Variants in F5 observed in about 807,000 individuals in gnomAD.
F5 encodes activated protein c cofactor.
F5 carries 138 observed loss-of-function variants against 216.4 expected under a neutral mutation model. The observed-to-expected ratio is 0.64, with a 90% CI of 0.56 to 0.73. F5 has a LOEUF of 0.73. Ranked by LOEUF, F5 falls within the 30% of genes least tolerant of loss-of-function variation. The pLI is 0.00. For missense variants in F5, 2,403 were observed against 2,674.0 expected (o/e 0.90, Z 2.24); for synonymous variants, 916 against 930.7 (o/e 0.98, Z 0.29).
At chr1:169,569,835 T>C (rs975648680) in intron 3 of F5, among the ~76,000 whole-genome samples, 1 of 152,066 alleles carries the variant, frequency 6.6e-6, no homozygotes, top group Non-Finnish European at 1.5e-5. Context: ...ACCTCTGAGA[T>C]AGAGGAATCT....
chr1:169,548,262 A>T (rs1660062378), intron 10 of F5, among the ~76,000 whole-genome samples: 1 of 152,300 alleles, frequency 6.6e-6, no homozygotes, highest in East Asian at 1.9e-4. Flanking sequence ...TACCTGGGTG[A>T]TGAAGTAGTA....
chr1:169,549,864 G>A lies in F5; in HGVS notation c.1548C>T (p.Ala516=). 6.2e-7 allele frequency: 1 copy of A among 1,614,136 alleles called. No individual in the cohort carries two copies. The highest frequency in any genetic ancestry group is 8.5e-7 in the Non-Finnish European group (1 of 1,179,988). Residue 516 remains alanine, a synonymous_variant, in exon 10 of 25, where the codon GCC becomes GCT. Coordinates refer to ENST00000367797, the MANE Select transcript of F5 (RefSeq NM_000130.5). The part of the protein sequence containing the change: ...YSDVDIMRDI[A]SGLIGLLLIC... The stretch of plus-strand genomic sequence containing the variant: ...TTAGAAGTAGTCCTATTAGCCCAGA[G>A]GCGATGTCTCTCATGATGTCCACGT...
At chr1:169,577,519 G>A (rs144628673) in intron 2 of F5, among the ~76,000 whole-genome samples, 1,623 of 131,174 alleles carry the variant, frequency 0.012, 13 homozygotes, top group Middle Eastern at 0.056. Context: ...CTCCCCAGTA[G>A]CTGAAATGAC....
intron 12 of F5, among the ~76,000 whole-genome samples, chr1:169,544,067 A>G (rs1282997236): frequency 1.3e-5 from 2 of 152,116 alleles, no homozygotes; most frequent in Non-Finnish European, 2.9e-5. Flanking sequence ...GTATATTTTT[A>G]CTTCCTACTT....
At chr1:169,531,917 T>C (rs1659603538) in intron 14 of F5, among the ~76,000 whole-genome samples, 1 of 152,094 alleles carries the variant, frequency 6.6e-6, no homozygotes, top group Non-Finnish European at 1.5e-5. Flanking sequence ...TACCGGCCAA[T>C]ATCTCTGATG....
Position 169,546,526 on chromosome 1 carries a change from C to G in F5, c.1678G>C (p.Glu560Gln). 1.2e-6 allele frequency: 2 copies of G among 1,614,152 alleles called. No homozygotes were observed. The highest frequency in any genetic ancestry group is 4.5e-5 in the East Asian group (2 of 44,876). Residue 560 changes from glutamate to glutamine, a missense_variant, in exon 11 of 25, where the codon GAG becomes CAG. Physicochemically the swap from Glu to Gln is conservative, Grantham distance 29. Coordinates refer to ENST00000367797, the MANE Select transcript of F5 (RefSeq NM_000130.5). ...VFDENKSWYL[E>Q]DNINKFCENP... The stretch of plus-strand genomic sequence containing the variant: ...TCACAAAACTTGTTGATGTTGTCCT[C>G]AAGGTACCAGCTTTTGTTCTCATCA...
At chr1:169,586,064 T>C (rs1661095845) in intron 1 of F5, among the ~76,000 whole-genome samples, 165 bp downstream of exon 1, 2 of 151,932 alleles carry the variant, frequency 1.3e-5, no homozygotes, top group Non-Finnish European at 2.9e-5. Flanking sequence ...GATGCAAAAT[T>C]AGCATTTGCC....
Position 169,549,806 on chromosome 1 carries a change from T to C in F5, c.1606A>G (p.Ile536Val). Residue 536 changes from isoleucine (I) to valine (V), a missense_variant, in exon 10 of 25, where the codon ATA becomes GTA. Physicochemically the swap from Ile to Val is conservative, Grantham distance 29. Transcript: ENST00000367797. Reference protein sequence around the residue: ...CKSRSLDRRGIQRAADIEQQA... With the variant: ...CKSRSLDRRGVQRAADIEQQA... ...TTACTTCAAGGACAAAATACCTGTA[T>C]TCCTCGCCTGTCCAGGGATCTGCTC... 1 of 1,612,524 alleles carries C rather than the reference T, an allele frequency of 6.2e-7. No individual in the cohort carries two copies. Among genetic ancestry groups the C allele is most frequent in the Non-Finnish European group, 8.5e-7 (1 of 1,178,580 alleles).
At chr1:169,538,236 A>G (rs1659751787) in intron 13 of F5, among the ~76,000 whole-genome samples, 2 of 152,200 alleles carry the variant, frequency 1.3e-5, no homozygotes, top group Non-Finnish European at 1.5e-5. Context: ...CAGGCACAGA[A>G]AGACAAGTAC....
rs1301049105 is a variant in F5 at position 169,514,271 on chromosome 1, G to A, written c.*42C>T. The A allele has an allele frequency of 6.3e-7, 1 of 1,596,008 alleles. No homozygotes were observed. Among genetic ancestry groups the A allele is most frequent in the Admixed American group, 1.7e-5 (1 of 59,838 alleles). ...ACATTGCCCATTCTAAATGGTTTGA[G>A]GTCTTAAAGAGTCTCTTCCAGGGGT... On this transcript the variant is annotated 3_prime_UTR_variant, in exon 25 of 25. Coordinates refer to ENST00000367797, the MANE Select transcript of F5 (RefSeq NM_000130.5).
intron 3 of F5, among the ~76,000 whole-genome samples, chr1:169,571,619 A>C (rs1660724148): frequency 6.6e-6 from 1 of 152,148 alleles, no homozygotes; most frequent in Non-Finnish European, 1.5e-5. Flanking sequence ...GGCTAGTTCT[A>C]TGTCACTATG....
chr1:169,581,069 T>C (rs1475119690), intron 2 of F5, among the ~76,000 whole-genome samples: 5 of 152,076 alleles, frequency 3.3e-5, no homozygotes, highest in African/African-American at 9.7e-5. Flanking sequence ...GGGTAGGTAG[T>C]AGTGAAAGCC....
intron 14 of F5, among the ~76,000 whole-genome samples, chr1:169,532,762 T>C (rs538754464): frequency 3.3e-5 from 5 of 152,330 alleles, no homozygotes; most frequent in African/African-American, 4.8e-5. Flanking sequence ...TCTATGCTTA[T>C]GTATTGGAAG....
intron 22 of F5, among the ~76,000 whole-genome samples, chr1:169,519,925 G>T (rs1416679754): frequency 6.6e-6 from 1 of 152,114 alleles, no homozygotes; most frequent in Non-Finnish European, 1.5e-5. Context: ...ATATATAGTA[G>T]AATTTTATTA....
chr1:169,526,784 A>T lies in F5; in HGVS notation c.5600-767T>A, dbSNP rs531863384. On this transcript the variant is annotated intron_variant, in intron 17 of 24. Transcript: ENST00000367797. ...TGCAGGCTGATAGGAAGGATGACTGATCTTCTAATACTTGATGAAAAGATG... is the reference window on the plus strand; with the variant it reads ...TGCAGGCTGATAGGAAGGATGACTGTTCTTCTAATACTTGATGAAAAGATG... Among the ~76,000 whole-genome samples the T allele has an allele frequency of 3.3e-5, 5 of 152,206 alleles. No individual in the cohort carries two copies. The South Asian group carries it at 1.0e-3, about 32-fold the overall frequency.
At chr1:169,521,863 C>T (rs1659317228) in intron 21 of F5, among the ~76,000 whole-genome samples, 1 of 151,908 alleles carries the variant, frequency 6.6e-6, no homozygotes, top group South Asian at 2.1e-4. Flanking sequence ...TCGTGATCTG[C>T]CCACCTCGGC....
chr1:169,548,622 C>A (rs868604397), intron 10 of F5, among the ~76,000 whole-genome samples: 19 of 152,128 alleles, frequency 1.2e-4, no homozygotes, highest in Admixed American at 3.3e-4. Context: ...AATACCAGCA[C>A]TTTGGGAGGC....
In F5 at chr1:169,540,967, G is replaced by T. The variant is rs761713318; in HGVS notation, c.4123C>A (p.Leu1375Ile). The change falls in exon 13 of 25, where the codon CTC becomes ATC. Residue 1375 changes from leucine to isoleucine, a missense_variant. Physicochemically the swap from Leu to Ile is conservative, Grantham distance 5. Around this residue, in one of 4 missense-constraint regions of F5, gnomAD observed 293 missense variants for 270.8 expected, o/e 1.08. Coordinates refer to ENST00000367797, the MANE Select transcript of F5 (RefSeq NM_000130.5). ...TTTGTCTGACTGAGTTCTGGAGAGA[G>T]GTTTGTCTGGCTGAGGTCTAGAGAA... ...TLSLDLSQTNLSPELSQTNLS... is the reference protein window; with the variant it reads ...TLSLDLSQTNISPELSQTNLS... The T allele has an allele frequency of 3.8e-6, 6 of 1,595,830 alleles. No homozygotes were observed. Among genetic ancestry groups the T allele is most frequent in the Non-Finnish European group, 5.1e-6 (6 of 1,166,170 alleles).
intron 1 of F5, among the ~76,000 whole-genome samples, chr1:169,584,329 G>C (rs918551593): frequency 2.6e-5 from 4 of 152,116 alleles, no homozygotes; most frequent in Non-Finnish European, 5.9e-5. Flanking sequence ...TGTGTACGAC[G>C]AGTTTTTCAT....
Sources: allele counts gnomAD v4.1 joint callset (sites outside exome capture counted in the v4.1 genomes callset), GRCh38; gene constraint gnomAD v4.1.1; regional missense constraint gnomAD v4.1.1; transcripts MANE v1.5; gene names NCBI Gene and HGNC (gene_info 2026-07-23, HGNC 2026-07-21).